CBL: variants seen among roughly 807,000 people sequenced by gnomAD.
CBL encodes the protein E3 ubiquitin-protein ligase CBL.
Under a neutral mutation model 96.9 loss-of-function variants are expected in CBL, and 45 were observed. The ratio of observed to expected loss-of-function variants is 0.46; its 90% CI spans 0.37 to 0.60. The LOEUF is 0.60. CBL is among the 20% of genes least tolerant of loss of function. CBL has a pLI of 0.00. For missense variants in CBL, 1,024 were observed against 1,143.5 expected (o/e 0.90, Z 1.51); for synonymous variants, 420 against 426.8 (o/e 0.98, Z 0.20).
chr11:119,299,421 A>G, intron 15 of CBL, 74 bp from the exon 16 acceptor site: 1 of 1,353,768 alleles, frequency 7.4e-7, no homozygotes, highest in South Asian at 1.2e-5. Context: ...TCTTGATATT[A>G]GCACATTTTT....
chr11:119,292,323 C>T (rs1014018153), intron 12 of CBL, among the ~76,000 whole-genome samples: 3 of 151,664 alleles, frequency 2.0e-5, no homozygotes, highest in Non-Finnish European at 4.4e-5. Flanking sequence ...CTACCTTTTC[C>T]GGAATGTTAG....
intron 2 of CBL, among the ~76,000 whole-genome samples, chr11:119,247,281 C>T (rs1949638880): frequency 6.6e-6 from 1 of 152,178 alleles, no homozygotes. Flanking sequence ...ACAAGATAGC[C>T]TACTTTTGCC....
At chr11:119,290,629 A>G (rs920824083) in intron 12 of CBL, among the ~76,000 whole-genome samples, 36 of 149,864 alleles carry the variant, frequency 2.4e-4, no homozygotes, top group Admixed American at 2.3e-3. Context: ...CAAAAAAAAA[A>G]AAGAGATACT....
chr11:119,301,357 C>G lies in CBL; in HGVS notation c.*1576C>G, dbSNP rs1055366087. The G allele has an allele frequency of 6.0e-5, 14 of 233,108 alleles. No homozygotes were observed. The highest frequency in any genetic ancestry group is 3.1e-4 in the African/African-American group (14 of 45,328). The allele number at this position is 233,108 out of a possible 1,614,324, so 14.4% of individuals were successfully genotyped here. ...TCTTTTATATGCTGATAAATGATCC[C>G]TCGAGTTCAGTTAGTATTCTGTCCA... On this transcript the variant is annotated 3_prime_UTR_variant, in exon 16 of 16. Transcript: ENST00000264033.
chr11:119,218,594 A>G (rs907670068), intron 1 of CBL, among the ~76,000 whole-genome samples: 2 of 152,182 alleles, frequency 1.3e-5, no homozygotes, highest in African/African-American at 4.8e-5. Flanking sequence ...TGTCCTGGGC[A>G]TGAATCATCC....
At chr11:119,244,581 A>ATTTTTTTTTTTTGTTTTTTTTTTT (rs1949611041) in intron 2 of CBL, among the ~76,000 whole-genome samples, 1 of 104,404 alleles carries the variant, frequency 9.6e-6, no homozygotes, top group African/African-American at 4.1e-5. Flanking sequence ...TGCCCGGCTA[A>ATTTTTTTTTTTTGTTTTTTTTTTT]TTTTTTTTTT....
intron 2 of CBL, among the ~76,000 whole-genome samples, chr11:119,265,612 G>A (rs553467840): frequency 6.6e-6 from 1 of 152,240 alleles, no homozygotes; most frequent in Admixed American, 6.5e-5. Context: ...GTGGCTGGGC[G>A]CGGTAGCTCA....
At chr11:119,274,712 T>G (rs1281666810) in intron 4 of CBL, 120 bp from the exon 5 acceptor site, 1 of 900,572 alleles carries the variant, frequency 1.1e-6, no homozygotes, top group Non-Finnish European at 1.8e-6. Context: ...TGAGTGATGG[T>G]ATAATTAAAA....
intron 2 of CBL, among the ~76,000 whole-genome samples, chr11:119,236,890 C>CAAA (rs1292515245): frequency 6.6e-6 from 1 of 152,148 alleles, no homozygotes; most frequent in African/African-American, 2.4e-5. Context: ...CCTTTATCCT[C>CAAA]AGTTTAACCT....
intron 2 of CBL, among the ~76,000 whole-genome samples, chr11:119,270,365 TC>T (rs1949834446): frequency 8.4e-6 from 1 of 119,524 alleles, no homozygotes; most frequent in Non-Finnish European, 1.7e-5. Context: ...CTGCCTCAGC[TC>T]TCCCAAGTAG....
At chr11:119,271,909 T>A in intron 3 of CBL, 28 bp downstream of exon 3, 1 of 1,607,158 alleles carries the variant, frequency 6.2e-7, no homozygotes, top group Non-Finnish European at 8.5e-7. Context: ...GAATTTGAAC[T>A]ATGAAAAACT....
At chr11:119,243,168 C>T (rs931198904) in intron 2 of CBL, among the ~76,000 whole-genome samples, 18 of 152,050 alleles carry the variant, frequency 1.2e-4, no homozygotes, top group Admixed American at 1.2e-3. Flanking sequence ...ATCCCAGCTA[C>T]TTGGCAAGCT....
In CBL at chr11:119,223,957, G is replaced by T. The variant is rs187481745; in HGVS notation, c.196-8491G>T. On this transcript the variant is annotated intron_variant, in intron 1 of 15. Transcript: ENST00000264033. ...TTTGAGACTCTATCTCTTAAAAGAT[G>T]AAGAAAAAAGAGTACCTACCTGTAT... Among the ~76,000 whole-genome samples the T allele has an allele frequency of 6.8e-4, 104 of 152,008 alleles. 1 individual carries two copies. The highest frequency in any genetic ancestry group is 6.8e-3 in the Middle Eastern group (2 of 294).
At chr11:119,240,310 G>A (rs1377514409) in intron 2 of CBL, among the ~76,000 whole-genome samples, 1 of 149,994 alleles carries the variant, frequency 6.7e-6, no homozygotes, top group Non-Finnish European at 1.5e-5. Flanking sequence ...AAAAAAAAAA[G>A]AAAAAAAAGA....
chr11:119,283,588 C>T (rs1949954451), intron 9 of CBL, among the ~76,000 whole-genome samples: 1 of 133,930 alleles, frequency 7.5e-6, no homozygotes, highest in African/African-American at 2.7e-5. Flanking sequence ...TTTTAGAGCT[C>T]AAATTGACAG....
intron 2 of CBL, among the ~76,000 whole-genome samples, chr11:119,240,236 C>T (rs113191642): frequency 6.6e-6 from 1 of 151,300 alleles, no homozygotes; most frequent in East Asian, 1.9e-4. Flanking sequence ...TGGAGGTTTG[C>T]GGTGAGCTGA....
At chr11:119,219,681 C>CT (rs201151258) in intron 1 of CBL, among the ~76,000 whole-genome samples, 34,713 of 140,506 alleles carry the variant, frequency 0.25, 4,223 homozygotes, top group East Asian at 0.38. Flanking sequence ...CCATTTTTGC[C>CT]TTTTTTTTTT....
intron 2 of CBL, among the ~76,000 whole-genome samples, chr11:119,245,173 G>GTTTTT (rs55688715): frequency 7.0e-6 from 1 of 143,432 alleles, no homozygotes. Context: ...TGCCCGACCA[G>GTTTTT]TTTTTTTTTT....
At chr11:119,259,989 G>A (rs1301029808) in intron 2 of CBL, among the ~76,000 whole-genome samples, 5 of 152,248 alleles carry the variant, frequency 3.3e-5, no homozygotes, top group East Asian at 1.9e-4. Context: ...CAAATGGACC[G>A]TTCCATTCCC....
Sources: allele counts gnomAD v4.1 joint callset (sites outside exome capture counted in the v4.1 genomes callset), GRCh38; gene constraint gnomAD v4.1.1; transcripts MANE v1.5; gene names NCBI Gene and HGNC (gene_info 2026-07-23, HGNC 2026-07-21).